MUC15: variants seen among roughly 807,000 people sequenced by gnomAD.
The protein encoded by MUC15 is mucin 15, cell surface associated.
MUC15 carries 23 observed loss-of-function variants against 24.0 expected under a neutral mutation model. The observed-to-expected ratio is 0.96, with a 90% CI of 0.69 to 1.36. The LOEUF (loss-of-function observed/expected upper bound fraction) is 1.36, where lower values mean the gene tolerates loss of function less well. Ranked by LOEUF, MUC15 falls within the 40% of genes most tolerant of loss-of-function variation. The probability of loss-of-function intolerance (pLI) is 0.00; values close to 1 mark genes in which losing one functional copy is unlikely to be tolerated. For synonymous variants in MUC15, 151 were observed against 156.3 expected (o/e 0.97, Z 0.25); for missense variants, 442 against 428.2 (o/e 1.03, Z -0.29).
In MUC15 at chr11:26,565,221, G is replaced by T. The variant is rs574394650; in HGVS notation, c.719C>A (p.Thr240Asn). 6.6e-7 allele frequency: 1 copy of T among 1,518,318 alleles called. No homozygotes were observed. Among genetic ancestry groups the T allele is most frequent in the South Asian group, 1.3e-5 (1 of 76,064 alleles). The allele number at this position is 1,518,318 out of a possible 1,614,324, so 94.1% of individuals were successfully genotyped here. A position where few individuals can be genotyped will look rare whatever the true frequency, so the allele number is the denominator to read the frequency against. ...PYQEKTTLQPTLKFTNNSKLF... is the reference protein window; with the variant it reads ...PYQEKTTLQPNLKFTNNSKLF... ...TTTTGAATTATTGGTGAATTTTAAG[G>T]TAGGCTGTAGAGTTGTTTTTTCTTG... Residue 240 changes from threonine (T) to asparagine (N), a missense_variant, in exon 3 of 5, where the codon ACC (threonine) becomes AAC (asparagine). Transcript: ENST00000529533.
chr11:26,561,171 C>G lies in MUC15; in HGVS notation c.980G>C (p.Ser327Thr). 6.2e-7 allele frequency: 1 copy of G among 1,612,654 alleles called. No individual in the cohort carries two copies. Among genetic ancestry groups the G allele is most frequent in the Non-Finnish European group, 8.5e-7 (1 of 1,179,194 alleles). ...EPYDVSFGNS[S>T]YYNPTLNDSA... is the part of the protein sequence containing the mutation. ...ATCATTCAAAGTTGGATTGTAGTAG[C>G]TAGAATTCCCAAAACTCACATCATA... Residue 327 changes from serine (S) to threonine (T), a missense_variant, in exon 5 of 5, where the codon AGC becomes ACC. Coordinates refer to ENST00000529533, the MANE Select transcript of MUC15 (RefSeq NM_001135091.2).
chr11:26,565,510 C>G lies in MUC15; in HGVS notation c.430G>C (p.Val144Leu), dbSNP rs751505986. The G allele has an allele frequency of 9.9e-6, 16 of 1,613,276 alleles. No individual in the cohort carries two copies. Among genetic ancestry groups the G allele is most frequent in the Non-Finnish European group, 1.4e-5 (16 of 1,179,516 alleles). ...STSPPLIHSF[V>L]SKVPWNAPIA... ...GGTGCATTCCAAGGCACTTTAGAAACAAAGCTATGGATCAAGGGAGGGCTT... is the reference window on the plus strand; with the variant it reads ...GGTGCATTCCAAGGCACTTTAGAAAGAAAGCTATGGATCAAGGGAGGGCTT... Residue 144 changes from valine to leucine, a missense_variant, in exon 3 of 5, where the codon GTT (valine) becomes CTT (leucine). Transcript: ENST00000529533.
Position 26,559,788 on chromosome 11 carries a change from T to C in MUC15, c.*1277A>G. 3 of 1,594,842 alleles carry C rather than the reference T, an allele frequency of 1.9e-6. No homozygotes were observed. Among genetic ancestry groups the C allele is most frequent in the Admixed American group, 1.7e-5 (1 of 59,920 alleles). ...TTTTATGGCAATATGGGGTAAGTAC[T>C]TTCTTCATTACTTTCTATCCCTTAT... On this transcript the variant is annotated 3_prime_UTR_variant, in exon 5 of 5. Coordinates refer to ENST00000529533, the MANE Select transcript of MUC15 (RefSeq NM_001135091.2).
chr11:26,563,961 C>A (rs908520231), intron 3 of MUC15, among the ~76,000 whole-genome samples: 1 of 151,730 alleles, frequency 6.6e-6, no homozygotes, highest in Non-Finnish European at 1.5e-5. Context: ...GTACATTTCT[C>A]TTTTTTTCTT....
intron 1 of MUC15, among the ~76,000 whole-genome samples, chr11:26,567,915 T>C (rs903779033): frequency 1.3e-5 from 2 of 151,948 alleles, no homozygotes; most frequent in Non-Finnish European, 2.9e-5. Context: ...TGTGATTTCA[T>C]GTATATAAAG....
chr11:26,564,733 AT>A (rs1850483112), intron 3 of MUC15, among the ~76,000 whole-genome samples: 3 of 16,518 alleles, frequency 1.8e-4, no homozygotes, highest in Non-Finnish European at 2.3e-4. Context: ...ACACACACAC[AT>A]ATATATATAT....
At chr11:26,564,329 A>G (rs1301861682) in intron 3 of MUC15, among the ~76,000 whole-genome samples, 1 of 151,628 alleles carries the variant, frequency 6.6e-6, no homozygotes, top group African/African-American at 2.4e-5. Flanking sequence ...ACTGGCAACA[A>G]CATTCAAACA....
chr11:26,563,341 A>G (rs1376491205), intron 3 of MUC15, 76 bp from the exon 4 acceptor site: 1 of 1,391,392 alleles, frequency 7.2e-7, no homozygotes, highest in Non-Finnish European at 9.7e-7. Context: ...TGAACTTTCC[A>G]TATAACAAAG....
rs2292290 is a variant in MUC15, at chr11:26,565,308, A to G, written c.632T>C (p.Ile211Thr). 1.8e-3 allele frequency: 2,849 copies of G among 1,610,674 alleles called. 29 individuals are homozygous for G. The East Asian group carries it at 0.033, about 19-fold the overall frequency. ...EPTSPSVTPL[I>T]VEPSGWLTTN... Reference sequence around the variant, plus strand: ...GGTAAGCCATCCACTTGGTTCCACTATCAAGGGGGTCACAGATGGAGAAGT... The same window carrying G: ...GGTAAGCCATCCACTTGGTTCCACTGTCAAGGGGGTCACAGATGGAGAAGT... The change falls in exon 3 of 5, where the codon ATA (isoleucine) becomes ACA (threonine). Residue 211 changes from isoleucine to threonine, a missense_variant. Transcript: ENST00000529533.
At chr11:26,566,369 A>C (rs190361512) in intron 2 of MUC15, among the ~76,000 whole-genome samples, 248 of 152,162 alleles carry the variant, frequency 1.6e-3, no homozygotes, top group African/African-American at 5.3e-3. Flanking sequence ...TATGAAAATG[A>C]CATTACTGAC....
At chr11:26,563,945 A>G (rs1459035539) in intron 3 of MUC15, among the ~76,000 whole-genome samples, 2 of 152,006 alleles carry the variant, frequency 1.3e-5, no homozygotes, top group East Asian at 3.9e-4. Context: ...TCTGAACTGA[A>G]ATTTAGTACA....
chr11:26,562,245 A>G (rs1037601960), intron 4 of MUC15, among the ~76,000 whole-genome samples: 8 of 151,974 alleles, frequency 5.3e-5, no homozygotes, highest in Admixed American at 5.3e-4. Flanking sequence ...CTAGAAACCC[A>G]TAATCAGAAT....
chr11:26,563,610 T>C (rs1402301300), intron 3 of MUC15, among the ~76,000 whole-genome samples: 3 of 151,942 alleles, frequency 2.0e-5, no homozygotes, highest in African/African-American at 4.8e-5. Context: ...TAAGATCTAA[T>C]ATCAGTGTTG....
At chr11:26,564,539 A>G (rs1850440627) in intron 3 of MUC15, among the ~76,000 whole-genome samples, 1 of 150,466 alleles carries the variant, frequency 6.6e-6, no homozygotes, top group Admixed American at 6.7e-5. Flanking sequence ...ATGTAAAACA[A>G]TTTTTATGTT....
rs2134247856 is a variant in MUC15, at chr11:26,560,818, A to C, written c.*247T>G. 2.8e-6 allele frequency: 1 copy of C among 353,382 alleles called. No individual in the cohort carries two copies. Among genetic ancestry groups the C allele is most frequent in the East Asian group, 5.7e-5 (1 of 17,486 alleles). 21.9% of individuals were successfully genotyped at this position (353,382 alleles called of 1,614,324 possible). ...CTGATTCCACAAATATTTTCTACTAAGAAAATACTACTAAAATACAAATTA... is the reference window on the plus strand; with the variant it reads ...CTGATTCCACAAATATTTTCTACTACGAAAATACTACTAAAATACAAATTA... On this transcript the variant is annotated 3_prime_UTR_variant, in exon 5 of 5. Transcript: ENST00000529533.
intron 1 of MUC15, among the ~76,000 whole-genome samples, chr11:26,570,729 A>G (rs948364272): frequency 6.6e-6 from 1 of 152,162 alleles, no homozygotes; most frequent in Non-Finnish European, 1.5e-5. Flanking sequence ...TTGTCTCTCA[A>G]AGAAAACTCT....
At chr11:26,564,732 C>CATATATAT (rs66510170) in intron 3 of MUC15, among the ~76,000 whole-genome samples, 10 of 25,408 alleles carry the variant, frequency 3.9e-4, no homozygotes, top group South Asian at 2.1e-3. Context: ...CACACACACA[C>CATATATAT]ATATATATAT....
chr11:26,572,148 T>C lies in MUC15; in HGVS notation c.-153A>G. ...AAAACAGATGGGTTAAGTGTGACAA[T>C]GTCGCACTGAGCAGGAGGGTGCCAG... On this transcript the variant is annotated 5_prime_UTR_variant, in exon 1 of 5. Transcript: ENST00000529533. The C allele has an allele frequency of 1.0e-6, 1 of 985,386 alleles. No homozygotes were observed. The highest frequency in any genetic ancestry group is 1.2e-6 in the Non-Finnish European group (1 of 829,954). 61.0% of individuals were successfully genotyped at this position (985,386 alleles called of 1,614,324 possible).
At position 26,565,318 on chromosome 11, in the gene MUC15, T is replaced by C; in HGVS notation, c.622A>G (p.Thr208Ala). ...CCACTTGGTTCCACTATCAAGGGGGTCACAGATGGAGAAGTTGGTTCTGAA... is the reference window on the plus strand; with the variant it reads ...CCACTTGGTTCCACTATCAAGGGGGCCACAGATGGAGAAGTTGGTTCTGAA... ...LSSEPTSPSV[T>A]PLIVEPSGWL... Residue 208 changes from threonine (T) to alanine (A), a missense_variant, in exon 3 of 5, where the codon ACC (threonine) becomes GCC (alanine). Coordinates refer to ENST00000529533, the MANE Select transcript of MUC15 (RefSeq NM_001135091.2). The C allele has an allele frequency of 6.2e-7, 1 of 1,610,328 alleles. No individual in the cohort carries two copies. Among genetic ancestry groups the C allele is most frequent in the Middle Eastern group, 1.7e-4 (1 of 6,048 alleles).
Sources: allele counts gnomAD v4.1 joint callset (sites outside exome capture counted in the v4.1 genomes callset), GRCh38; gene constraint gnomAD v4.1.1; transcripts MANE v1.5; gene names NCBI Gene and HGNC (gene_info 2026-07-23, HGNC 2026-07-21).